Variants in RIMS1 observed in about 807,000 individuals in gnomAD.
RIMS1 encodes the protein regulating synaptic membrane exocytosis protein 1.
Under a neutral mutation model 214.1 loss-of-function variants are expected in RIMS1, and 83 were observed. That is an observed-to-expected ratio of 0.39 (90% CI 0.32 to 0.47). RIMS1 has a LOEUF of 0.47. RIMS1 is among the 20% of genes least tolerant of loss of function. The pLI, the probability that RIMS1 is intolerant of heterozygous loss-of-function variation, is 0.99. For synonymous variants in RIMS1, 793 were observed against 786.8 expected, an observed-to-expected ratio of 1.01 and a Z score of -0.13; for missense variants, 2,050 against 2,161.8, an observed-to-expected ratio of 0.95 and a Z score of 1.03.
intron 1 of RIMS1, among the ~76,000 whole-genome samples, chr6:71,895,024 G>C (rs1253921204): frequency 6.6e-6 from 1 of 152,076 alleles, no homozygotes; most frequent in African/African-American, 2.4e-5. Flanking sequence ...CATAGAGAAG[G>C]TATGTAAATT....
intron 4 of RIMS1, among the ~76,000 whole-genome samples, chr6:72,151,428 G>A (rs191434835): frequency 2.5e-4 from 38 of 152,280 alleles, no homozygotes; most frequent in Non-Finnish European, 5.0e-4. Flanking sequence ...AAATTATAAA[G>A]AAGAAATCTT....
intron 6 of RIMS1, chr6:72,216,393 C>G: frequency 2.1e-6 from 2 of 963,752 alleles, no homozygotes; most frequent in Middle Eastern, 5.3e-4. Flanking sequence ...TGAGGTTGTC[C>G]TTTTGCCCTC....
intron 4 of RIMS1, among the ~76,000 whole-genome samples, chr6:72,172,647 T>C (rs1165774380): frequency 2.0e-5 from 3 of 152,218 alleles, no homozygotes; most frequent in Non-Finnish European, 4.4e-5. Flanking sequence ...TTATGCTTCA[T>C]ATTCTATGGA....
chr6:71,898,775 G>T (rs933522035), intron 1 of RIMS1, among the ~76,000 whole-genome samples: 1 of 152,090 alleles, frequency 6.6e-6, no homozygotes, highest in African/African-American at 2.4e-5. Context: ...GAAAACTGAG[G>T]CCAGAGACTC....
intron 8 of RIMS1, among the ~76,000 whole-genome samples, chr6:72,237,268 G>C (rs1286462276): frequency 2.0e-5 from 3 of 151,048 alleles, no homozygotes; most frequent in African/African-American, 7.3e-5. Flanking sequence ...GAGGGAGGAA[G>C]GGAAAGAAAG....
At chr6:72,336,563 T>G (rs548146397) in intron 29 of RIMS1, among the ~76,000 whole-genome samples, 1 of 151,928 alleles carries the variant, frequency 6.6e-6, no homozygotes, top group Non-Finnish European at 1.5e-5. Context: ...TGTTCCAAAG[T>G]GACTCAACGA....
intron 4 of RIMS1, among the ~76,000 whole-genome samples, chr6:72,117,459 C>T (rs769940338): frequency 6.6e-6 from 1 of 151,886 alleles, no homozygotes; most frequent in African/African-American, 2.4e-5. Context: ...CTAGTCCTGT[C>T]GGTGGAATAT....
chr6:72,117,756 C>G (rs1202427953), intron 4 of RIMS1, among the ~76,000 whole-genome samples: 2 of 151,858 alleles, frequency 1.3e-5, no homozygotes, highest in Non-Finnish European at 2.9e-5. Flanking sequence ...CTTATCAAAA[C>G]CTCTGGGATA....
chr6:72,348,306 T>C (rs2097334605), intron 29 of RIMS1, among the ~76,000 whole-genome samples: 1 of 151,970 alleles, frequency 6.6e-6, no homozygotes, highest in African/African-American at 2.4e-5. Context: ...GGAAATATTA[T>C]AGAAACCTGC....
chr6:72,154,496 A>G lies in RIMS1; in HGVS notation c.472-25079A>G, dbSNP rs1019575350. 2.1e-5 allele frequency among the ~76,000 whole-genome samples: 3 copies of G among 140,850 alleles called. 1 individual carries two copies. The highest frequency in any genetic ancestry group is 4.8e-5 in the Non-Finnish European group (3 of 61,998). The allele number at this position is 140,850 out of a possible 152,430, so 92.4% of individuals were successfully genotyped here. A position where few individuals can be genotyped will look rare whatever the true frequency, so the allele number is the denominator to read the frequency against. On this transcript the variant is annotated intron_variant, in intron 4 of 33. Transcript: ENST00000521978. ...AGGCAAAAATACGTCAAAACATAAT[A>G]TGAGAAGTTAACAAATGAGAACAAC...
chr6:72,326,446 A>G (rs2096468333), intron 28 of RIMS1, among the ~76,000 whole-genome samples: 1 of 151,802 alleles, frequency 6.6e-6, no homozygotes, highest in East Asian at 1.9e-4. Context: ...GTAACAGTCT[A>G]TGTTTGGGAA....
At chr6:72,136,924 A>T (rs1040051320) in intron 4 of RIMS1, among the ~76,000 whole-genome samples, 1 of 152,080 alleles carries the variant, frequency 6.6e-6, no homozygotes, top group African/African-American at 2.4e-5. Flanking sequence ...GAAACACTAA[A>T]ACTATATTAA....
At chr6:72,177,512 A>G (rs2047875940) in intron 4 of RIMS1, among the ~76,000 whole-genome samples, 1 of 152,200 alleles carries the variant, frequency 6.6e-6, no homozygotes, top group African/African-American at 2.4e-5. Flanking sequence ...TCAGCCTCCC[A>G]AAGTGCTGGG....
intron 2 of RIMS1, among the ~76,000 whole-genome samples, chr6:72,090,438 G>A (rs1344957788): frequency 2.0e-5 from 3 of 151,760 alleles, no homozygotes. Flanking sequence ...TAACCTTTTT[G>A]TCTAAAAGAC....
intron 2 of RIMS1, among the ~76,000 whole-genome samples, chr6:71,976,790 C>T (rs193018746): frequency 1.4e-4 from 21 of 152,068 alleles, no homozygotes; most frequent in Middle Eastern, 3.4e-3. Context: ...TGTTTTTATA[C>T]ATGTGTTTGT....
intron 26 of RIMS1, among the ~76,000 whole-genome samples, chr6:72,303,177 T>C (rs1009919087): frequency 6.6e-6 from 1 of 151,028 alleles, no homozygotes. Flanking sequence ...CAAAGAGGTT[T>C]CCTAGAAAAT....
chr6:72,156,085 A>G, intron 4 of RIMS1: 1 of 359,346 alleles, frequency 2.8e-6, no homozygotes, highest in Non-Finnish European at 5.7e-6. Context: ...TTATAAATAG[A>G]AGTACTATAT....
rs1392509635 is a variant in RIMS1, at chr6:72,398,321, C to A, written c.4691C>A (p.Thr1564Lys). Reference protein sequence around the residue: ...EVEVIRARSLTQKPGSKSTPA... With the variant: ...EVEVIRARSLKQKPGSKSTPA... ...GAAGTCATTAGAGCACGAAGCCTCA[C>A]ACAAAAGCCTGGTTCCAAATCTACA... Residue 1564 changes from threonine to lysine, a missense_variant, in exon 32 of 34, where the codon ACA becomes AAA. Around this residue, in one of 6 missense-constraint regions of RIMS1, gnomAD observed 121 missense variants for 187.3 expected, o/e 0.65. Transcript: ENST00000521978. The A allele has an allele frequency of 1.9e-6, 3 of 1,603,760 alleles. No individual in the cohort carries two copies. The highest frequency in any genetic ancestry group is 1.7e-6 in the Non-Finnish European group (2 of 1,175,198).
intron 1 of RIMS1, among the ~76,000 whole-genome samples, chr6:71,899,349 G>A (rs1216635429): frequency 6.6e-6 from 1 of 151,898 alleles, no homozygotes; most frequent in Non-Finnish European, 1.5e-5. Flanking sequence ...ACAAAGAAGA[G>A]CTTTCTTTGG....
Sources: allele counts gnomAD v4.1 joint callset (sites outside exome capture counted in the v4.1 genomes callset), GRCh38; gene constraint gnomAD v4.1.1; regional missense constraint gnomAD v4.1.1; transcripts MANE v1.5; gene names NCBI Gene and HGNC (gene_info 2026-07-23, HGNC 2026-07-21).